Variants in TOGARAM2 observed in about 807,000 individuals in gnomAD.
TOGARAM2 encodes the protein TOG array regulator of axonemal microtubules 2.
TOGARAM2 carries 85 observed loss-of-function variants against 93.3 expected under a neutral mutation model. The ratio of observed to expected loss-of-function variants is 0.91; its 90% CI spans 0.76 to 1.09. The LOEUF is 1.09. TOGARAM2 is among the 50% of genes least tolerant of loss of function. The pLI is 0.00. For missense variants in TOGARAM2, 1,277 were observed against 1,334.5 expected (o/e 0.96, Z 0.67); for synonymous variants, 593 against 552.8 (o/e 1.07, Z -1.02).
chr2:29,005,927 GGA>G (rs139200651), intron 6 of TOGARAM2, among the ~76,000 whole-genome samples: 8,450 of 149,894 alleles, frequency 0.056, 574 homozygotes, highest in East Asian at 0.15. Flanking sequence ...GCATGTGTGT[GGA>G]GTGTGTGTGT....
intron 1 of TOGARAM2, among the ~76,000 whole-genome samples, chr2:28,983,177 AATAT>A (rs1553334840): frequency 4.6e-4 from 15 of 32,390 alleles, no homozygotes; most frequent in African/African-American, 1.3e-3. Context: ...TGTATATATA[AATAT>A]ATATATATAT....
intron 2 of TOGARAM2, among the ~76,000 whole-genome samples, chr2:28,997,908 C>T (rs975119407): frequency 6.6e-6 from 1 of 152,124 alleles, no homozygotes; most frequent in African/African-American, 2.4e-5. Flanking sequence ...GAGGAGGCAG[C>T]CAGGCTGAGA....
chr2:28,996,839 G>A (rs951395227), intron 2 of TOGARAM2, among the ~76,000 whole-genome samples: 7 of 146,254 alleles, frequency 4.8e-5, no homozygotes, highest in African/African-American at 1.8e-4. Context: ...ATGACCTCCA[G>A]TTCCATCCAT....
chr2:29,032,697 A>G lies in TOGARAM2; in HGVS notation c.2013-237A>G, dbSNP rs1665840643. 12 of 454,642 alleles carry G rather than the reference A, an allele frequency of 2.6e-5. No individual in the cohort carries two copies. The South Asian group carries it at 2.8e-4, about 11-fold the overall frequency. 28.2% of individuals were successfully genotyped at this position (454,642 alleles called of 1,614,324 possible). A position where few individuals can be genotyped will look rare whatever the true frequency, so the allele number is the denominator to read the frequency against. Reference sequence around the variant, plus strand: ...TGATATCAACTAGAAAGTAAATGCCACAGAAAAAAGACTATAGGAAAATAT... The same window carrying G: ...TGATATCAACTAGAAAGTAAATGCCGCAGAAAAAAGACTATAGGAAAATAT... On this transcript the variant is annotated intron_variant, in intron 14 of 19. Coordinates refer to ENST00000379558, the MANE Select transcript of TOGARAM2 (RefSeq NM_199280.4).
chr2:28,974,127 C>CTTTTTTTT (rs34500191), intron 1 of TOGARAM2, among the ~76,000 whole-genome samples: 1 of 127,224 alleles, frequency 7.9e-6, no homozygotes, highest in African/African-American at 3.0e-5. Context: ...ATAATATATC[C>CTTTTTTTT]TTTTTTTTTT....
chr2:29,005,358 G>A (rs550866354), intron 6 of TOGARAM2, among the ~76,000 whole-genome samples: 49 of 120,698 alleles, frequency 4.1e-4, no homozygotes, highest in African/African-American at 9.6e-4. Flanking sequence ...TGTGTGGAGC[G>A]TATGTGTGAG....
chr2:29,002,783 G>C (rs1673385386), intron 5 of TOGARAM2, 36 bp downstream of exon 5: 1 of 1,582,964 alleles, frequency 6.3e-7, no homozygotes, highest in African/African-American at 1.3e-5. Flanking sequence ...CTGGTCCTCA[G>C]CTTCTTGCCC....
At position 28,956,988 on chromosome 2, in the gene TOGARAM2, G is replaced by T. The variant is rs890922733; in HGVS notation, c.-147+291G>T. On this transcript the variant is annotated intron_variant, in intron 1 of 6. Transcript: ENST00000401723. This position sits in a 1 kb window ranked among gnomAD's most constrained non-coding sequence, Gnocchi z 4.5. ...AAAAGTACAAAAATTGGCCGGGAAT[G>T]GTGGAGGGCATCTGTAATCCCAGGA... 6.6e-6 allele frequency among the ~76,000 whole-genome samples: 1 copy of T among 151,946 alleles called. No homozygotes were observed. Among genetic ancestry groups the T allele is most frequent in the Non-Finnish European group, 1.5e-5 (1 of 68,030 alleles).
At chr2:28,961,768 C>T (rs1378097882) in intron 1 of TOGARAM2, among the ~76,000 whole-genome samples, 9 of 152,222 alleles carry the variant, frequency 5.9e-5, no homozygotes, top group Non-Finnish European at 1.2e-4. Context: ...CAAAGATTCC[C>T]TTGTGCAGCT....
Position 29,014,528 on chromosome 2 carries a change from G to A in TOGARAM2, c.1011G>A (p.Leu337=). The change falls in exon 8 of 20, where the codon CTG becomes CTA. Residue 337 remains leucine, a synonymous_variant. Transcript: ENST00000379558. The stretch of plus-strand genomic sequence containing the variant: ...GTGCCAGAGAAGCCTGCCCTCCGCT[G>A]AAAGAAGAGGACCAGAAGGAGATCG... ...FDCAREACPP[L]KEEDQKEIGT... 1 of 1,571,926 alleles carries A rather than the reference G, an allele frequency of 6.4e-7. No homozygotes were observed. Among genetic ancestry groups the A allele is most frequent in the Non-Finnish European group, 8.6e-7 (1 of 1,158,446 alleles).
chr2:28,994,354 T>A (rs1404715583), intron 1 of TOGARAM2, among the ~76,000 whole-genome samples: 2 of 152,182 alleles, frequency 1.3e-5, no homozygotes, highest in Non-Finnish European at 2.9e-5. Flanking sequence ...CCATGGGCTT[T>A]CAGGGCAGCT....
At chr2:29,040,091 A>G (rs932008044) in intron 18 of TOGARAM2, among the ~76,000 whole-genome samples, 2 of 152,238 alleles carry the variant, frequency 1.3e-5, no homozygotes, top group African/African-American at 4.8e-5. Flanking sequence ...TTATAATGTT[A>G]ATGGAATTTA....
At chr2:28,979,225 C>T (rs1332456981), upstream of TOGARAM2, among the ~76,000 whole-genome samples, 1 of 152,168 alleles carries the variant, frequency 6.6e-6, no homozygotes, top group East Asian at 1.9e-4. Context: ...TGGCCTGCTC[C>T]TTACCTCGGG....
intron 1 of TOGARAM2, among the ~76,000 whole-genome samples, chr2:28,968,439 C>G: frequency 6.6e-6 from 1 of 152,084 alleles, no homozygotes; most frequent in East Asian, 1.9e-4. Context: ...CTTCTCCACT[C>G]CCCGCAGCGG....
At chr2:28,979,785 A>G (rs900331178), upstream of TOGARAM2, among the ~76,000 whole-genome samples, 6 of 152,202 alleles carry the variant, frequency 3.9e-5, no homozygotes, top group African/African-American at 1.4e-4. Context: ...CACCAAGGAC[A>G]GCAGGGGCCA....
chr2:28,994,893 G>A lies in TOGARAM2; in HGVS notation c.28+31G>A, dbSNP rs775907317. On this transcript the variant is annotated intron_variant, in intron 2 of 19. Transcript: ENST00000379558. The stretch of plus-strand genomic sequence containing the variant: ...GGGCACCATGGGAGGCCTGCTGCTG[G>A]TGTTTTCCAGGCTAGGGGACCTGCC... The A allele has an allele frequency of 3.2e-6, 5 of 1,551,428 alleles. 1 individual carries two copies. The highest frequency in any genetic ancestry group is 1.4e-5 in the African/African-American group (1 of 73,042).
chr2:28,994,839 G>T lies in TOGARAM2; in HGVS notation c.5G>T (p.Gly2Val). ...GGCACCTTCTCCACCCAGGACATGG[G>T]CACCCGTGACGATGTCCCCGAAGGT... is the stretch of plus-strand genomic sequence containing the variant. M[G>V]TRDDVPEAKV... The change falls in exon 2 of 20, where the codon GGC becomes GTC. Residue 2 changes from glycine (G) to valine (V), a missense_variant. Gly to Val is a moderately radical substitution (Grantham distance 109). Transcript: ENST00000379558. The T allele has an allele frequency of 6.4e-7, 1 of 1,552,512 alleles. No individual in the cohort carries two copies. Among genetic ancestry groups the T allele is most frequent in the Non-Finnish European group, 8.7e-7 (1 of 1,147,404 alleles).
At chr2:29,016,263 T>G (rs1188078627) in intron 8 of TOGARAM2, among the ~76,000 whole-genome samples, 1 of 152,080 alleles carries the variant, frequency 6.6e-6, no homozygotes, top group Non-Finnish European at 1.5e-5. Flanking sequence ...GTCCAGAATC[T>G]GCCCACCCCA....
intron 6 of TOGARAM2, among the ~76,000 whole-genome samples, 169 bp from the exon 7 acceptor site, chr2:29,011,286 T>A (rs1164132650): frequency 6.6e-6 from 1 of 152,170 alleles, no homozygotes; most frequent in South Asian, 2.1e-4. Flanking sequence ...GGGAGCTGTA[T>A]CTCCTGCAGC....
Sources: gnomAD v4.1 joint callset for allele counts (sites outside exome capture counted in the v4.1 genomes callset) on GRCh38, gnomAD v4.1.1 for gene constraint, Gnocchi (gnomAD v3.1) non-coding constraint, MANE v1.5 for transcripts, NCBI Gene and HGNC (gene_info 2026-07-23, HGNC 2026-07-21) for gene names.